The following JPH3 variants were observed in gnomAD, a reference collection of about 807,000 sequenced individuals.
JPH3 encodes the protein junctophilin-3.
JPH3 carries 11 observed loss-of-function variants against 59.6 expected under a neutral mutation model. That is an observed-to-expected ratio of 0.18 (90% CI 0.12 to 0.31). The LOEUF (loss-of-function observed/expected upper bound fraction) is 0.31. Among genes scored for constraint, JPH3 ranks in the 10% least tolerant of loss-of-function variants. JPH3 has a pLI of 1.00. For missense variants in JPH3, 1,202 were observed against 1,105.7 expected (o/e 1.09, Z -1.24); for synonymous variants, 673 against 483.6 (o/e 1.39, Z -5.14).
chr16:87,678,279 C>G (rs2033200020), intron 2 of JPH3, among the ~76,000 whole-genome samples: 1 of 151,636 alleles, frequency 6.6e-6, no homozygotes, highest in Admixed American at 6.6e-5. Flanking sequence ...CGTGGTGGCT[C>G]ACATCTGTAA....
At position 87,606,250 on chromosome 16, in the gene JPH3, T is replaced by G. The variant is rs572391523; in HGVS notation, c.382+2722T>G. On this transcript the variant is annotated intron_variant, in intron 1 of 4. Transcript: ENST00000284262. The stretch of plus-strand genomic sequence containing the variant: ...CTTTGCACAAGAAGTGGGGGAATAT[T>G]GGGCAGCCATCAGCGAAGCTCTGGA... Among the ~76,000 whole-genome samples the G allele has an allele frequency of 5.9e-5, 9 of 152,350 alleles. No homozygotes were observed. In the South Asian group the frequency reaches 1.9e-3, roughly 32 times the overall value.
intron 2 of JPH3, among the ~76,000 whole-genome samples, chr16:87,652,673 G>A (rs1450483821): frequency 1.3e-5 from 2 of 152,230 alleles, no homozygotes; most frequent in African/African-American, 4.8e-5. Flanking sequence ...GGCCAGGCAG[G>A]TGCGGAGCTT....
intron 4 of JPH3, among the ~76,000 whole-genome samples, chr16:87,691,534 C>T (rs755092416): frequency 1.3e-5 from 2 of 152,152 alleles, no homozygotes; most frequent in Admixed American, 6.5e-5. Flanking sequence ...TTATTGTCGA[C>T]GCTGCGGCAG....
At chr16:87,648,391 C>T (rs2032222404) in intron 2 of JPH3, among the ~76,000 whole-genome samples, 1 of 152,176 alleles carries the variant, frequency 6.6e-6, no homozygotes, top group African/African-American at 2.4e-5. Flanking sequence ...GAGTGACTGG[C>T]CCCGGGCGGG....
intron 1 of JPH3, among the ~76,000 whole-genome samples, chr16:87,619,857 G>C (rs1033015703): frequency 6.6e-6 from 1 of 152,192 alleles, no homozygotes; most frequent in Non-Finnish European, 1.5e-5. Flanking sequence ...GCGCAAGGAA[G>C]GGGCTGGAGA....
chr16:87,687,001 G>T (rs533282192), intron 3 of JPH3, among the ~76,000 whole-genome samples: 2 of 152,306 alleles, frequency 1.3e-5, no homozygotes, highest in South Asian at 4.1e-4. Flanking sequence ...GTGGCGCCCC[G>T]GAGCCTTCTC....
At position 87,641,665 on chromosome 16, in the gene JPH3, C is replaced by G. The variant is rs943337618; in HGVS notation, c.383-2593C>G. 2.6e-5 allele frequency among the ~76,000 whole-genome samples: 4 copies of G among 152,276 alleles called. No individual in the cohort carries two copies. In the East Asian group the frequency reaches 7.7e-4, roughly 29 times the overall value. ...GCCCTCAGAGGCTGCGTTGCCGATT[C>G]CTTTTTCAACGGAGAGGCTGCAGCG... On this transcript the variant is annotated intron_variant, in intron 1 of 4. Transcript: ENST00000284262.
chr16:87,646,781 G>C (rs1396849717), intron 2 of JPH3, among the ~76,000 whole-genome samples: 2 of 152,128 alleles, frequency 1.3e-5, no homozygotes, highest in East Asian at 1.9e-4. Context: ...CTGCAGATTG[G>C]TTCATGAGTT....
At chr16:87,630,164 G>A (rs1333816940) in intron 1 of JPH3, among the ~76,000 whole-genome samples, 1 of 152,152 alleles carries the variant, frequency 6.6e-6, no homozygotes, top group Non-Finnish European at 1.5e-5. Context: ...CCCCACACTG[G>A]AGGCACTGGC....
At chr16:87,670,176 A>G (rs1282487732) in intron 2 of JPH3, among the ~76,000 whole-genome samples, 2 of 152,128 alleles carry the variant, frequency 1.3e-5, no homozygotes, top group Non-Finnish European at 2.9e-5. Context: ...GATGTGGGCA[A>G]CTGTTGCACC....
chr16:87,630,395 G>A (rs1443129118), intron 1 of JPH3, among the ~76,000 whole-genome samples: 2 of 152,156 alleles, frequency 1.3e-5, no homozygotes, highest in Non-Finnish European at 2.9e-5. Context: ...CTCTCCCCTT[G>A]TCCTTCTGGG....
intron 1 of JPH3, among the ~76,000 whole-genome samples, chr16:87,626,974 CTATT>C (rs1431916259): frequency 1.3e-5 from 2 of 152,168 alleles, no homozygotes; most frequent in Admixed American, 6.5e-5. Context: ...AGCCCCATCT[CTATT>C]TATTAAAAAA....
chr16:87,670,913 G>C (rs143694818), intron 2 of JPH3, among the ~76,000 whole-genome samples: 2 of 152,180 alleles, frequency 1.3e-5, no homozygotes, highest in Non-Finnish European at 2.9e-5. Flanking sequence ...GTGACATTTG[G>C]TCAGAGGCCC....
intron 2 of JPH3, among the ~76,000 whole-genome samples, chr16:87,667,258 C>T (rs1396182734): frequency 6.6e-6 from 1 of 152,240 alleles, no homozygotes; most frequent in Non-Finnish European, 1.5e-5. Context: ...AGGATGCCCT[C>T]TTCTCAAGAG....
At chr16:87,649,846 G>A (rs1014746506) in intron 2 of JPH3, among the ~76,000 whole-genome samples, 2 of 152,210 alleles carry the variant, frequency 1.3e-5, no homozygotes, top group Admixed American at 6.5e-5. Flanking sequence ...AGACGGGGTG[G>A]CCCATGTGAA....
In JPH3 at chr16:87,603,285, T is replaced by C. The variant is rs2030334576; in HGVS notation, c.139T>C (p.Phe47Leu). Residue 47 changes from phenylalanine (F) to leucine (L), a missense_variant, in exon 1 of 5, where the codon TTC (phenylalanine) becomes CTC (leucine). Transcript: ENST00000284262. ...GEYTGSWSHG[F>L]EVLGVYTWPS... is the part of the protein sequence containing the mutation. Reference sequence around the variant, plus strand: ...ATACACCGGCTCGTGGAGCCACGGCTTCGAGGTGCTGGGCGTCTACACCTG... The same window carrying C: ...ATACACCGGCTCGTGGAGCCACGGCCTCGAGGTGCTGGGCGTCTACACCTG... 1 of 1,613,316 alleles carries C rather than the reference T, an allele frequency of 6.2e-7. No individual in the cohort carries two copies. The highest frequency in any genetic ancestry group is 8.5e-7 in the Non-Finnish European group (1 of 1,179,888).
upstream of JPH3, among the ~76,000 whole-genome samples, chr16:87,602,440 G>C (rs2030245154): frequency 8.9e-6 from 1 of 111,944 alleles, no homozygotes; most frequent in Non-Finnish European, 1.8e-5. Context: ...GCGGGGGCGG[G>C]GGGCGGGGGG....
upstream of JPH3, among the ~76,000 whole-genome samples, chr16:87,602,428 G>A (rs2030241799): frequency 1.9e-5 from 2 of 104,340 alleles, no homozygotes; most frequent in African/African-American, 6.6e-5. Flanking sequence ...GCGGGGGCGG[G>A]GGCGGGGGCG....
rs1597228440 is a variant in JPH3, at chr16:87,603,332, G to A, written c.186G>A (p.Gln62=). The A allele has an allele frequency of 6.2e-7, 1 of 1,613,084 alleles. No individual in the cohort carries two copies. Among genetic ancestry groups the A allele is most frequent in the Non-Finnish European group, 8.5e-7 (1 of 1,179,690 alleles). ...CCTGGCCCAGCGGCAACACGTACCA[G>A]GGCACCTGGGCGCAGGGCAAGCGCC... The part of the protein sequence containing the change: ...VYTWPSGNTY[Q]GTWAQGKRHG... The change falls in exon 1 of 5, where the codon CAG becomes CAA. Residue 62 remains glutamine (Q), a synonymous_variant. Transcript: ENST00000284262.
Sources: allele counts gnomAD v4.1 joint callset (sites outside exome capture counted in the v4.1 genomes callset), GRCh38; gene constraint gnomAD v4.1.1; transcripts MANE v1.5; gene names NCBI Gene and HGNC (gene_info 2026-07-23, HGNC 2026-07-21).